Variants in RBFOX1 observed in about 807,000 individuals in gnomAD.
RBFOX1 encodes RNA binding protein fox-1 homolog 1.
A neutral mutation model predicts 57.7 loss-of-function variants in RBFOX1; 8 were observed. That is an observed-to-expected ratio of 0.14 (90% CI 0.08 to 0.25). RBFOX1 has a LOEUF of 0.25. RBFOX1 is among the 10% of genes least tolerant of loss of function. The pLI is 1.00. For missense variants in RBFOX1, 611 were observed against 548.5 expected (o/e 1.11, Z -1.14); for synonymous variants, 326 against 222.4 (o/e 1.47, Z -4.15).
At position 7,658,885 on chromosome 16, in the gene RBFOX1, C is replaced by T. The variant is rs149973997; in HGVS notation, c.890+4938C>T. ...GGATTATAGGCACATGCCACCACAC[C>T]CAGCTAATTTTGTATTTTTAGTAGA... On this transcript the variant is annotated intron_variant, in intron 12 of 15. Coordinates refer to ENST00000550418, the MANE Select transcript of RBFOX1 (RefSeq NM_018723.4). Among the ~76,000 whole-genome samples the T allele has an allele frequency of 1.1e-3, 166 of 152,272 alleles. 1 individual carries two copies. Among genetic ancestry groups the T allele is most frequent in the African/African-American group, 3.6e-3 (151 of 41,556 alleles).
intron 4 of RBFOX1, among the ~76,000 whole-genome samples, chr16:7,149,743 C>T (rs1056984977): frequency 1.3e-4 from 20 of 151,992 alleles, no homozygotes; most frequent in Admixed American, 5.2e-4. Context: ...TCTCTACACC[C>T]GCCTCTACCC....
chr16:5,315,389 T>C (rs1332420409), intron 1 of RBFOX1, among the ~76,000 whole-genome samples: 3 of 152,224 alleles, frequency 2.0e-5, no homozygotes, highest in Admixed American at 6.5e-5. Flanking sequence ...TTAGAATTCA[T>C]ATCTTGCAGG....
intron 2 of RBFOX1, among the ~76,000 whole-genome samples, chr16:6,600,690 T>C (rs2097842584): frequency 6.6e-6 from 1 of 152,206 alleles, no homozygotes; most frequent in Non-Finnish European, 1.5e-5. Context: ...ATTACAAGTT[T>C]ATAGATTTAC....
chr16:5,994,216 C>T (rs2060453917), intron 4 of RBFOX1, among the ~76,000 whole-genome samples: 1 of 152,224 alleles, frequency 6.6e-6, no homozygotes, highest in Non-Finnish European at 1.5e-5. Flanking sequence ...GGTTGAAGTA[C>T]AGTGGTGCAA....
At chr16:7,024,632 G>C (rs866095180) in intron 3 of RBFOX1, among the ~76,000 whole-genome samples, 3 of 152,112 alleles carry the variant, frequency 2.0e-5, no homozygotes, top group African/African-American at 7.2e-5. Context: ...CACCATCTTT[G>C]TTTGATGCTT....
chr16:5,432,547 T>G (rs499312), intron 1 of RBFOX1, among the ~76,000 whole-genome samples: 3,394 of 137,636 alleles, frequency 0.025, 75 homozygotes, highest in African/African-American at 0.06. Context: ...GTTTTTTTTT[T>G]TTTGTTTGTT....
chr16:6,254,966 A>G (rs28407961), intron 1 of RBFOX1, among the ~76,000 whole-genome samples: 3,029 of 151,852 alleles, frequency 0.02, 106 homozygotes, highest in African/African-American at 0.068. Flanking sequence ...TTATTAAAAT[A>G]TATATGGTTT....
rs150226306 is a variant in RBFOX1, at chr16:7,608,336, AC to A, written c.676+1000del. Among the ~76,000 whole-genome samples the A allele has an allele frequency of 2.1e-3, 324 of 152,332 alleles. 1 individual carries two copies. Among genetic ancestry groups the A allele is most frequent in the African/African-American group, 7.4e-3 (308 of 41,566 alleles). On this transcript the variant is annotated intron_variant, in intron 10 of 15. Transcript: ENST00000550418. ...AAAACTTAGCTACTCTGGCACAACA[AC>A]CAGTCTGACAAAATTTAAGTTAAAA...
chr16:5,979,128 T>G (rs972810902), intron 4 of RBFOX1, among the ~76,000 whole-genome samples: 3 of 152,216 alleles, frequency 2.0e-5, no homozygotes, highest in African/African-American at 7.2e-5. Context: ...CAGAAATGAT[T>G]GGCATGAAAG....
In RBFOX1 at chr16:7,029,046, CTATATATATATATA is replaced by C. The variant is rs1225538161; in HGVS notation, c.-15-22988_-15-22975del. 2.2e-4 allele frequency among the ~76,000 whole-genome samples: 10 copies of C among 45,216 alleles called. 1 individual carries two copies. Among genetic ancestry groups the C allele is most frequent in the African/African-American group, 8.7e-4 (6 of 6,872 alleles). 29.7% of individuals were successfully genotyped at this position (45,216 alleles called of 152,430 possible). ...TAAGCATAAAACAGAAAAAAAAAAG[CTATATATATATATA>C]TATATATATATATATATATATACAC... is the stretch of plus-strand genomic sequence containing the variant. On this transcript the variant is annotated intron_variant, in intron 3 of 15. Coordinates refer to ENST00000550418, the MANE Select transcript of RBFOX1 (RefSeq NM_018723.4).
At chr16:5,768,743 C>G (rs927770278) in intron 3 of RBFOX1, among the ~76,000 whole-genome samples, 2 of 152,126 alleles carry the variant, frequency 1.3e-5, no homozygotes, top group African/African-American at 2.4e-5. Context: ...GTCAGGCCAG[C>G]CTTTGCTGCT....
At chr16:6,963,087 C>A (rs187580692) in intron 3 of RBFOX1, among the ~76,000 whole-genome samples, 3 of 152,196 alleles carry the variant, frequency 2.0e-5, no homozygotes, top group Admixed American at 2.0e-4. Flanking sequence ...CCCACCTTCC[C>A]TCTCCTTTAC....
intron 1 of RBFOX1, among the ~76,000 whole-genome samples, chr16:6,051,066 C>A (rs1282523469): frequency 6.7e-6 from 1 of 148,584 alleles, no homozygotes; most frequent in African/African-American, 2.5e-5. Context: ...TCCATTTCCC[C>A]GAGGAGATCT....
At chr16:6,473,783 C>T (rs892164481) in intron 2 of RBFOX1, among the ~76,000 whole-genome samples, 6 of 152,000 alleles carry the variant, frequency 3.9e-5, no homozygotes, top group Admixed American at 6.6e-5. Context: ...AGGCTGTTTG[C>T]GTGGGGAAGC....
intron 3 of RBFOX1, among the ~76,000 whole-genome samples, chr16:5,818,604 T>C (rs8058966): frequency 6.6e-6 from 1 of 152,214 alleles, no homozygotes; most frequent in Admixed American, 6.5e-5. Context: ...ATATTTACTT[T>C]GTTAGTTTTG....
intron 3 of RBFOX1, among the ~76,000 whole-genome samples, chr16:6,853,851 G>T (rs748310324): frequency 1.1e-4 from 17 of 152,146 alleles, no homozygotes; most frequent in Non-Finnish European, 1.5e-5. Flanking sequence ...GGTGACAAAT[G>T]ATGAGTATGG....
intron 13 of RBFOX1, among the ~76,000 whole-genome samples, chr16:7,675,177 T>A (rs12923840): frequency 0.019 from 2,863 of 151,984 alleles, 103 homozygotes; most frequent in African/African-American, 0.063. Context: ...GCCAAGAAGA[T>A]GAACAAGCTA....
chr16:6,361,992 G>C (rs1178004816), intron 2 of RBFOX1, among the ~76,000 whole-genome samples: 1 of 152,098 alleles, frequency 6.6e-6, no homozygotes, highest in Non-Finnish European at 1.5e-5. Context: ...CAGCTGAGAA[G>C]AAAACAAGCA....
intron 2 of RBFOX1, among the ~76,000 whole-genome samples, chr16:5,486,363 C>G (rs1824889052): frequency 6.6e-6 from 1 of 152,190 alleles, no homozygotes; most frequent in African/African-American, 2.4e-5. Flanking sequence ...GGATGTCTTG[C>G]CTTCTGAGCA....
Sources: allele counts gnomAD v4.1 joint callset (sites outside exome capture counted in the v4.1 genomes callset), GRCh38; gene constraint gnomAD v4.1.1; transcripts MANE v1.5; gene names NCBI Gene and HGNC (gene_info 2026-07-23, HGNC 2026-07-21).